SEMA5A: variants seen among roughly 807,000 people sequenced by gnomAD.
The protein encoded by SEMA5A is semaphorin 5A.
A neutral mutation model predicts 135.5 loss-of-function variants in SEMA5A; 55 were observed. The observed-to-expected ratio is 0.41, with a 90% CI of 0.33 to 0.51. The LOEUF is 0.51. Ranked by LOEUF, SEMA5A falls within the 20% of genes least tolerant of loss-of-function variation. The pLI, the probability that SEMA5A is intolerant of heterozygous loss-of-function variation, is 0.37. For missense variants in SEMA5A, 1,290 were observed against 1,419.9 expected, an observed-to-expected ratio of 0.91 and a Z score of 1.47; for synonymous variants, 580 against 546.5, an observed-to-expected ratio of 1.06 and a Z score of -0.85.
At chr5:9,341,725 C>T (rs1380997089) in intron 3 of SEMA5A, among the ~76,000 whole-genome samples, 5 of 147,952 alleles carry the variant, frequency 3.4e-5, no homozygotes, top group African/African-American at 1.2e-4. Context: ...TTTGTAAATT[C>T]CAACTGAACA....
At chr5:9,446,406 G>C (rs899945428) in intron 1 of SEMA5A, among the ~76,000 whole-genome samples, 8 of 152,128 alleles carry the variant, frequency 5.3e-5, no homozygotes, top group African/African-American at 1.9e-4. Flanking sequence ...AGCAATTTCT[G>C]TTATGCGCTC....
chr5:9,486,179 G>A (rs761503029), intron 1 of SEMA5A, among the ~76,000 whole-genome samples: 14 of 152,062 alleles, frequency 9.2e-5, no homozygotes, highest in South Asian at 2.1e-4. Flanking sequence ...AACAGAAAAC[G>A]CAACACCACA....
intron 13 of SEMA5A, among the ~76,000 whole-genome samples, chr5:9,132,285 C>T (rs904332233): frequency 1.3e-5 from 2 of 152,206 alleles, no homozygotes; most frequent in African/African-American, 4.8e-5. Context: ...ATTTAAGCCA[C>T]TGCCATGGCC....
intron 5 of SEMA5A, among the ~76,000 whole-genome samples, chr5:9,301,020 A>G (rs1312527936): frequency 1.3e-5 from 2 of 152,192 alleles, no homozygotes; most frequent in Non-Finnish European, 2.9e-5. Context: ...GCATCCCTAG[A>G]AAGCTAATAC....
chr5:9,328,531 C>G (rs3777329), intron 4 of SEMA5A, among the ~76,000 whole-genome samples: 25,002 of 152,132 alleles, frequency 0.16, 2,365 homozygotes, highest in African/African-American at 0.25. Context: ...GTAATCCTAG[C>G]ACTTTGAGAG....
chr5:9,060,692 G>A (rs991235941), intron 18 of SEMA5A, among the ~76,000 whole-genome samples: 2 of 152,088 alleles, frequency 1.3e-5, no homozygotes, highest in Admixed American at 1.3e-4. Context: ...ACCCTAGGAG[G>A]AGCCAGGCAG....
chr5:9,153,220 T>C (rs1742731476), intron 12 of SEMA5A, among the ~76,000 whole-genome samples: 1 of 152,090 alleles, frequency 6.6e-6, no homozygotes, highest in Non-Finnish European at 1.5e-5. Context: ...CTATTTCTAC[T>C]CCAAATCTGC....
At chr5:9,159,370 T>C (rs751788442) in intron 11 of SEMA5A, among the ~76,000 whole-genome samples, 1 of 152,186 alleles carries the variant, frequency 6.6e-6, no homozygotes, top group Non-Finnish European at 1.5e-5. Flanking sequence ...TGTCCTTTTT[T>C]TCTATCCGCT....
At chr5:9,421,850 G>T (rs967894586) in intron 2 of SEMA5A, among the ~76,000 whole-genome samples, 1 of 152,110 alleles carries the variant, frequency 6.6e-6, no homozygotes, top group African/African-American at 2.4e-5. Flanking sequence ...TTTCTTATGG[G>T]CTGCTTGAAT....
At chr5:9,458,180 T>C (rs1201665488) in intron 1 of SEMA5A, among the ~76,000 whole-genome samples, 3 of 151,798 alleles carry the variant, frequency 2.0e-5, no homozygotes, top group Admixed American at 2.0e-4. Flanking sequence ...GTGCTGGGAT[T>C]ACAGGCGTGA....
At chr5:9,292,440 A>G (rs1425673825) in intron 5 of SEMA5A, among the ~76,000 whole-genome samples, 1 of 152,194 alleles carries the variant, frequency 6.6e-6, no homozygotes, top group Non-Finnish European at 1.5e-5. Context: ...CACACCCAGT[A>G]AGTTGAGGCA....
intron 12 of SEMA5A, among the ~76,000 whole-genome samples, chr5:9,139,169 G>A (rs546958794): frequency 4.6e-5 from 7 of 152,122 alleles, no homozygotes; most frequent in Non-Finnish European, 1.0e-4. Context: ...TTAAGGAATC[G>A]CCACACTGTT....
At position 9,529,680 on chromosome 5, in the gene SEMA5A, C is replaced by T. The variant is rs115185902; in HGVS notation, c.-175+15904G>A. ...AAACTAGTAACATGCTTTCAAATACCGGACTCCTCCTAGTATTTAAACCCT... is the reference window on the plus strand; with the variant it reads ...AAACTAGTAACATGCTTTCAAATACTGGACTCCTCCTAGTATTTAAACCCT... On this transcript the variant is annotated intron_variant, in intron 1 of 22. Transcript: ENST00000382496. Among the ~76,000 whole-genome samples, 634 of 152,212 alleles carry T rather than the reference C, an allele frequency of 4.2e-3. 3 individuals carry two copies. The highest frequency in any genetic ancestry group is 0.014 in the African/African-American group (599 of 41,530).
chr5:9,192,648 A>G (rs1745176667), intron 10 of SEMA5A, among the ~76,000 whole-genome samples: 1 of 152,160 alleles, frequency 6.6e-6, no homozygotes, highest in Admixed American at 6.5e-5. Flanking sequence ...TGGAGGTCAG[A>G]GACAAGTCCT....
At chr5:9,090,204 G>T (rs1165995401) in intron 16 of SEMA5A, among the ~76,000 whole-genome samples, 2 of 152,096 alleles carry the variant, frequency 1.3e-5, no homozygotes, top group African/African-American at 2.4e-5. Context: ...CCTTCAGCAG[G>T]GTAAACCTGT....
intron 1 of SEMA5A, among the ~76,000 whole-genome samples, chr5:9,441,186 A>G (rs1287657722): frequency 6.6e-6 from 1 of 152,236 alleles, no homozygotes; most frequent in Admixed American, 6.5e-5. Flanking sequence ...AGCTGTCTAT[A>G]TGATTTTTCT....
At chr5:9,538,661 T>C (rs1420820302) in intron 1 of SEMA5A, among the ~76,000 whole-genome samples, 1 of 152,254 alleles carries the variant, frequency 6.6e-6, no homozygotes, top group Non-Finnish European at 1.5e-5. Flanking sequence ...GGCTGGCTGA[T>C]GAGTTTAACT....
intron 5 of SEMA5A, among the ~76,000 whole-genome samples, chr5:9,276,262 G>A (rs972001863): frequency 6.6e-6 from 1 of 152,120 alleles, no homozygotes; most frequent in African/African-American, 2.4e-5. Flanking sequence ...TGGATGTGAA[G>A]GGCCTCTTCA....
intron 5 of SEMA5A, among the ~76,000 whole-genome samples, chr5:9,248,738 A>G (rs1308546524): frequency 1.3e-5 from 2 of 152,140 alleles, no homozygotes; most frequent in Non-Finnish European, 2.9e-5. Context: ...AGGCAGAGAT[A>G]GTGATGAAGG....
Sources: gnomAD v4.1 joint callset for allele counts (sites outside exome capture counted in the v4.1 genomes callset) on GRCh38, gnomAD v4.1.1 for gene constraint, MANE v1.5 for transcripts, NCBI Gene and HGNC (gene_info 2026-07-23, HGNC 2026-07-21) for gene names.